Variants in ZC3H11A observed in about 807,000 individuals in gnomAD.
ZC3H11A encodes zinc finger CCCH domain-containing protein 11A.
In ZC3H11A, 22 loss-of-function variants were observed where a neutral mutation model predicts 90.8. That is an observed-to-expected ratio of 0.24 (90% CI 0.17 to 0.35). The LOEUF is 0.35. Among genes scored for constraint, ZC3H11A ranks in the 10% least tolerant of loss-of-function variants. The pLI, the probability that ZC3H11A is intolerant of heterozygous loss-of-function variation, is 1.00. For missense variants in ZC3H11A, 701 were observed against 964.9 expected (o/e 0.73, Z 3.62); for synonymous variants, 294 against 339.8 (o/e 0.87, Z 1.48).
intron 2 of ZC3H11A, among the ~76,000 whole-genome samples, chr1:203,810,461 C>A (rs1674033059): frequency 6.7e-6 from 1 of 149,548 alleles, no homozygotes; most frequent in Non-Finnish European, 1.5e-5. Flanking sequence ...ACTCTGTCGC[C>A]CAGGCTAGAG....
intron 2 of ZC3H11A, among the ~76,000 whole-genome samples, chr1:203,808,451 A>G (rs1212867650): frequency 1.3e-5 from 2 of 152,216 alleles, no homozygotes; most frequent in African/African-American, 4.8e-5. Flanking sequence ...TCTGCCTGGC[A>G]TTTGATGATC....
chr1:203,841,837 C>A (rs1451759935), intron 12 of ZC3H11A, among the ~76,000 whole-genome samples: 1 of 143,888 alleles, frequency 6.9e-6, no homozygotes, highest in Non-Finnish European at 1.5e-5. Flanking sequence ...CTCCTCACTT[C>A]GCAGACGGGG....
At chr1:203,805,386 C>T (rs1426897266) in intron 2 of ZC3H11A, among the ~76,000 whole-genome samples, 1 of 152,068 alleles carries the variant, frequency 6.6e-6, no homozygotes, top group African/African-American at 2.4e-5. Flanking sequence ...CTGCCTCAGC[C>T]TTTCAAAGTG....
In ZC3H11A at chr1:203,804,395, G is replaced by A. The variant is rs561931459; in HGVS notation, c.-146+1379G>A. Among the ~76,000 whole-genome samples the A allele has an allele frequency of 9.9e-5, 15 of 151,634 alleles. No homozygotes were observed. In the South Asian group the frequency reaches 2.7e-3, roughly 27 times the overall value. On this transcript the variant is annotated intron_variant, in intron 2 of 17. Transcript: ENST00000367210. ...TCTCCATCTCCTGACCTCGTGATCC[G>A]CCCGCCTCGGCCTCCCAAAGTGCTA... is the stretch of plus-strand genomic sequence containing the variant.
At chr1:203,825,021 G>C (rs1208163349) in intron 4 of ZC3H11A, among the ~76,000 whole-genome samples, 1 of 139,590 alleles carries the variant, frequency 7.2e-6, no homozygotes, top group Non-Finnish European at 1.5e-5. Flanking sequence ...AGGTTTCAGT[G>C]AGACAAGATT....
intron 10 of ZC3H11A, among the ~76,000 whole-genome samples, chr1:203,834,391 C>T: frequency 6.6e-6 from 1 of 151,982 alleles, no homozygotes; most frequent in African/African-American, 2.4e-5. Context: ...CCTGCCCCAG[C>T]CTCTCAAGTA....
At chr1:203,799,363 A>T in intron 1 of ZC3H11A, 1 of 704,198 alleles carries the variant, frequency 1.4e-6, no homozygotes, top group East Asian at 2.7e-5. Flanking sequence ...AAAACTTGTC[A>T]TCATTTTAGT....
At chr1:203,820,467 T>G (rs1355614840) in intron 4 of ZC3H11A, among the ~76,000 whole-genome samples, 1 of 106,892 alleles carries the variant, frequency 9.4e-6, no homozygotes, top group African/African-American at 2.8e-5. Flanking sequence ...TATCACAAAT[T>G]ATGTGTGTGT....
rs1021182023 is a variant in ZC3H11A at position 203,802,115 on chromosome 1, C to T, written c.-1047C>T. On this transcript the variant is annotated 5_prime_UTR_variant, in exon 2 of 18. Coordinates refer to ENST00000367210, the MANE Select transcript of ZC3H11A (RefSeq NM_001376342.1). ...TAGAATGGCTATAATGCTGCTCTGCCTTCTACAGCTTGCTGCACCACTCTG... is the reference window on the plus strand; with the variant it reads ...TAGAATGGCTATAATGCTGCTCTGCTTTCTACAGCTTGCTGCACCACTCTG... The T allele has an allele frequency of 2.0e-5, 3 of 152,604 alleles. No individual in the cohort carries two copies. Among genetic ancestry groups the T allele is most frequent in the Non-Finnish European group, 1.5e-5 (1 of 68,034 alleles). The allele number at this position is 152,604 out of a possible 1,614,324, so 9.5% of individuals were successfully genotyped here. A position where few individuals can be genotyped will look rare whatever the true frequency, so the allele number is the denominator to read the frequency against.
chr1:203,814,381 A>G (rs142027926), intron 2 of ZC3H11A, among the ~76,000 whole-genome samples: 85 of 152,242 alleles, frequency 5.6e-4, no homozygotes, highest in African/African-American at 1.9e-3. Flanking sequence ...AAAATTAGCC[A>G]TATGTGGTGG....
At chr1:203,829,209 GTCT>G (rs1681483861) in intron 5 of ZC3H11A, 4 of 554,758 alleles carry the variant, frequency 7.2e-6, no homozygotes, top group Admixed American at 6.5e-5. Flanking sequence ...GCTTCTTCTA[GTCT>G]TCTGTTGATT....
chr1:203,827,743 T>C (rs942809709), intron 4 of ZC3H11A, among the ~76,000 whole-genome samples: 3 of 152,124 alleles, frequency 2.0e-5, no homozygotes, highest in African/African-American at 4.8e-5. Context: ...TGTGTTGTTA[T>C]AGGTGCCTTA....
chr1:203,818,307 A>G (rs1295430994), intron 3 of ZC3H11A, among the ~76,000 whole-genome samples: 2 of 151,842 alleles, frequency 1.3e-5, no homozygotes, highest in Non-Finnish European at 2.9e-5. Context: ...AGGACCTAAC[A>G]CTCCTACTTG....
intron 2 of ZC3H11A, among the ~76,000 whole-genome samples, chr1:203,804,800 G>A (rs1357224141): frequency 6.6e-6 from 1 of 151,346 alleles, no homozygotes; most frequent in Non-Finnish European, 1.5e-5. Context: ...AGCCTCCCAA[G>A]TAGCTGAGAT....
intron 2 of ZC3H11A, among the ~76,000 whole-genome samples, chr1:203,809,172 G>GTTTTTTTTTT (rs33926996): frequency 2.4e-5 from 2 of 83,268 alleles, no homozygotes; most frequent in East Asian, 4.0e-4. Flanking sequence ...TCTTCTCACT[G>GTTTTTTTTTT]TTTTTTTTTT....
chr1:203,809,172 GTTTTTTTTTT>G (rs33926996), intron 2 of ZC3H11A, among the ~76,000 whole-genome samples: 5 of 83,248 alleles, frequency 6.0e-5, no homozygotes, highest in African/African-American at 2.0e-4. Context: ...TCTTCTCACT[GTTTTTTTTTT>G]TTTTTTTTTT....
At chr1:203,841,828 T>C (rs1371535199) in intron 12 of ZC3H11A, among the ~76,000 whole-genome samples, 7 of 141,980 alleles carry the variant, frequency 4.9e-5, no homozygotes, top group Non-Finnish European at 9.4e-5. Context: ...GCGGAGGGGC[T>C]CCTCACTTCG....
chr1:203,833,522 G>C (rs917255874), intron 9 of ZC3H11A, among the ~76,000 whole-genome samples: 1 of 150,944 alleles, frequency 6.6e-6, no homozygotes, highest in East Asian at 1.9e-4. Flanking sequence ...CAGAGCAAGA[G>C]TCTATTATTA....
intron 1 of ZC3H11A, chr1:203,799,742 T>A: frequency 1.3e-6 from 1 of 799,420 alleles, no homozygotes; most frequent in East Asian, 2.7e-5. Context: ...AGGCCCTCAA[T>A]CTGGTGGATA....
Sources: gnomAD v4.1 joint callset for allele counts (sites outside exome capture counted in the v4.1 genomes callset) on GRCh38, gnomAD v4.1.1 for gene constraint, MANE v1.5 for transcripts, NCBI Gene and HGNC (gene_info 2026-07-23, HGNC 2026-07-21) for gene names.